Variants in LTBP1 observed in about 807,000 individuals in gnomAD.
LTBP1 encodes latent-transforming growth factor beta-binding protein 1.
LTBP1 carries 129 observed loss-of-function variants against 207.6 expected under a neutral mutation model. The observed-to-expected ratio is 0.62, with a 90% CI of 0.54 to 0.72. The LOEUF is 0.72. LTBP1 is among the 30% of genes least tolerant of loss of function. The pLI, the probability that LTBP1 is intolerant of heterozygous loss-of-function variation, is 0.00. For missense variants in LTBP1, 2,281 were observed against 2,217.2 expected, an observed-to-expected ratio of 1.03 and a Z score of -0.58; for synonymous variants, 963 against 833.7, an observed-to-expected ratio of 1.16 and a Z score of -2.67.
chr2:33,375,849 G>A (rs2095133694), intron 31 of LTBP1, among the ~76,000 whole-genome samples: 1 of 151,604 alleles, frequency 6.6e-6, no homozygotes, highest in Non-Finnish European at 1.5e-5. Context: ...GCCTATGTTG[G>A]GTTTTAATGA....
chr2:33,311,538 A>G (rs2094188164), intron 23 of LTBP1, among the ~76,000 whole-genome samples: 1 of 151,228 alleles, frequency 6.6e-6, no homozygotes, highest in Non-Finnish European at 1.5e-5. Flanking sequence ...AGAGATGGAA[A>G]AAAAAAAAAA....
chr2:33,354,901 C>T (rs180840390), intron 26 of LTBP1, among the ~76,000 whole-genome samples: 187 of 152,220 alleles, frequency 1.2e-3, no homozygotes, highest in African/African-American at 4.2e-3. Context: ...CCACCATGCA[C>T]AGCTCGTTTT....
intron 18 of LTBP1, among the ~76,000 whole-genome samples, chr2:33,279,515 T>G (rs986460413): frequency 6.6e-6 from 1 of 152,132 alleles, no homozygotes; most frequent in Middle Eastern, 3.2e-3. Context: ...CCTCATGTTT[T>G]TTTTTTTTTC....
intron 8 of LTBP1, among the ~76,000 whole-genome samples, chr2:33,219,038 T>C (rs1356462167): frequency 6.6e-6 from 1 of 152,234 alleles, no homozygotes; most frequent in Non-Finnish European, 1.5e-5. Context: ...CAATTCATTT[T>C]AAGTAATTGT....
chr2:33,264,218 T>C (rs2093108165), intron 15 of LTBP1, among the ~76,000 whole-genome samples: 1 of 141,286 alleles, frequency 7.1e-6, no homozygotes, highest in Non-Finnish European at 1.5e-5. Flanking sequence ...ATTGTGCCAC[T>C]GCACTCCAGC....
intron 2 of LTBP1, among the ~76,000 whole-genome samples, chr2:33,005,972 C>T (rs368754690): frequency 3.9e-5 from 6 of 152,066 alleles, no homozygotes; most frequent in African/African-American, 7.2e-5. Flanking sequence ...CTAGCTACCA[C>T]GAAGAACCAC....
At chr2:33,167,885 G>A (rs962876243) in intron 5 of LTBP1, among the ~76,000 whole-genome samples, 2 of 152,192 alleles carry the variant, frequency 1.3e-5, no homozygotes, top group East Asian at 1.9e-4. Flanking sequence ...TCCACTGGTG[G>A]TATAGAGAAT....
intron 2 of LTBP1, among the ~76,000 whole-genome samples, chr2:32,989,271 G>A (rs915237948): frequency 4.6e-5 from 7 of 152,174 alleles, no homozygotes; most frequent in Non-Finnish European, 7.3e-5. Context: ...ACATTCAAAG[G>A]AATGCCGAAA....
At chr2:32,982,350 G>T (rs551894931) in intron 2 of LTBP1, among the ~76,000 whole-genome samples, 7 of 152,318 alleles carry the variant, frequency 4.6e-5, no homozygotes, top group African/African-American at 1.7e-4. Flanking sequence ...TGTTCAAGAG[G>T]AGGCAGAATA....
chr2:33,363,093 C>T (rs932717369), intron 28 of LTBP1, among the ~76,000 whole-genome samples: 1 of 152,190 alleles, frequency 6.6e-6, no homozygotes, highest in African/African-American at 2.4e-5. Flanking sequence ...ACTATGGAAC[C>T]ATAGACCATT....
chr2:33,087,742 A>G lies in LTBP1; in HGVS notation c.864-22840A>G, dbSNP rs550501909. ...TGTTTATAAAGTGCCGATGGAGTTT[A>G]TCCAAGCAGAATTTGCTTTCCTTTA... On this transcript the variant is annotated intron_variant, in intron 3 of 33. Coordinates refer to ENST00000404816, the MANE Select transcript of LTBP1 (RefSeq NM_206943.4). Among the ~76,000 whole-genome samples the G allele has an allele frequency of 5.3e-5, 8 of 152,372 alleles. No individual in the cohort carries two copies. The East Asian group carries it at 1.5e-3, about 29-fold the overall frequency.
At chr2:33,098,702 G>C (rs985191437) in intron 3 of LTBP1, among the ~76,000 whole-genome samples, 12 of 152,140 alleles carry the variant, frequency 7.9e-5, no homozygotes, top group African/African-American at 2.9e-4. Flanking sequence ...GCCTTCCAAA[G>C]TGCTGAGATT....
intron 2 of LTBP1, among the ~76,000 whole-genome samples, chr2:32,960,934 G>A (rs1679001972): frequency 6.6e-6 from 1 of 152,154 alleles, no homozygotes; most frequent in Admixed American, 6.6e-5. Flanking sequence ...TCTAGGCTGT[G>A]TGAGGCCACA....
At chr2:32,959,906 C>T (rs2148406534) in intron 2 of LTBP1, among the ~76,000 whole-genome samples, 1 of 151,882 alleles carries the variant, frequency 6.6e-6, no homozygotes, top group East Asian at 1.9e-4. Context: ...CAGGTGTGAG[C>T]CACTACACCC....
chr2:33,059,184 C>T (rs17396814), intron 3 of LTBP1, among the ~76,000 whole-genome samples: 14,774 of 152,180 alleles, frequency 0.097, 954 homozygotes, highest in Non-Finnish European at 0.14. Flanking sequence ...GATGGATTTG[C>T]TATTTTGTGT....
intron 3 of LTBP1, among the ~76,000 whole-genome samples, chr2:33,063,971 A>C (rs561690673): frequency 6.6e-6 from 1 of 151,730 alleles, no homozygotes; most frequent in Non-Finnish European, 1.5e-5. Flanking sequence ...CTCCTGCCTC[A>C]GCCTCCTGAG....
chr2:32,948,911 G>C lies in LTBP1; in HGVS notation c.531G>C (p.Trp177Cys). The C allele has an allele frequency of 6.2e-7, 1 of 1,614,176 alleles. No homozygotes were observed. ...GTGGAGGGCGGTGCTGTCATGGCTGGAGTAAGGCCCCTGGCTCCCAGAGGT... is the reference window on the plus strand; with the variant it reads ...GTGGAGGGCGGTGCTGTCATGGCTGCAGTAAGGCCCCTGGCTCCCAGAGGT... The part of the protein sequence containing the change: ...NVCGGRCCHG[W>C]SKAPGSQRCT... The change falls in exon 2 of 34, where the codon TGG (tryptophan) becomes TGC (cysteine). Residue 177 changes from tryptophan to cysteine, a missense_variant. Trp to Cys is a radical substitution (Grantham distance 215). Transcript: ENST00000404816.
chr2:33,284,727 A>G (rs1341475935), intron 19 of LTBP1, among the ~76,000 whole-genome samples: 1 of 152,226 alleles, frequency 6.6e-6, no homozygotes, highest in Non-Finnish European at 1.5e-5. Flanking sequence ...ATTTAAAGAT[A>G]CATTTGATAT....
chr2:33,264,334 A>G (rs183087452), intron 15 of LTBP1, among the ~76,000 whole-genome samples: 37 of 152,276 alleles, frequency 2.4e-4, no homozygotes, highest in Admixed American at 1.4e-3. Context: ...GGAAAAAGAA[A>G]GAAAATGCAT....
Sources: gnomAD v4.1 joint callset for allele counts (sites outside exome capture counted in the v4.1 genomes callset) on GRCh38, gnomAD v4.1.1 for gene constraint, MANE v1.5 for transcripts, NCBI Gene and HGNC (gene_info 2026-07-23, HGNC 2026-07-21) for gene names.